The following ROCK1 variants were observed in gnomAD, a reference collection of about 807,000 sequenced individuals.
ROCK1 encodes the protein rho-associated protein kinase 1.
ROCK1 carries 36 observed loss-of-function variants against 196.8 expected under a neutral mutation model. The ratio of observed to expected loss-of-function variants is 0.18; its 90% CI spans 0.14 to 0.24. The LOEUF is 0.24. ROCK1 is among the 10% of genes least tolerant of loss of function. The probability of loss-of-function intolerance (pLI) is 1.00; values close to 1 mark genes in which losing one functional copy is unlikely to be tolerated. For synonymous variants in ROCK1, 443 were observed against 515.9 expected (o/e 0.86, Z 1.91); for missense variants, 920 against 1,562.0 (o/e 0.59, Z 6.93).
chr18:21,002,420 G>A (rs981561341), intron 16 of ROCK1, among the ~76,000 whole-genome samples: 1 of 152,134 alleles, frequency 6.6e-6, no homozygotes, highest in Admixed American at 6.5e-5. Flanking sequence ...TAAAATTCAT[G>A]AGTTCACAAA....
chr18:21,096,720 T>C (rs2036616173), intron 1 of ROCK1, among the ~76,000 whole-genome samples: 1 of 151,802 alleles, frequency 6.6e-6, no homozygotes. Context: ...CTATACCAGA[T>C]AGGTATGATC....
intron 3 of ROCK1, 109 bp downstream of exon 3, chr18:21,049,671 A>T: frequency 1.4e-6 from 1 of 736,514 alleles, no homozygotes; most frequent in Non-Finnish European, 2.2e-6. Context: ...AAAGGAACTT[A>T]AAGCAACAAT....
intron 5 of ROCK1, among the ~76,000 whole-genome samples, chr18:21,044,524 C>T (rs978200352): frequency 1.3e-4 from 20 of 152,162 alleles, no homozygotes; most frequent in South Asian, 6.2e-4. Flanking sequence ...AAAAAAACCC[C>T]ACGGCAGGGT....
chr18:20,957,732 C>T (rs2035258397), intron 29 of ROCK1, among the ~76,000 whole-genome samples: 1 of 152,044 alleles, frequency 6.6e-6, no homozygotes, highest in Non-Finnish European at 1.5e-5. Flanking sequence ...GATCCTCCCA[C>T]CTCAGCCTTC....
intron 1 of ROCK1, among the ~76,000 whole-genome samples, chr18:21,102,272 A>G (rs1211634597): frequency 2.0e-5 from 3 of 152,332 alleles, no homozygotes; most frequent in African/African-American, 2.4e-5. Flanking sequence ...CTACAGCCTC[A>G]TATCTGAAAA....
At chr18:21,023,085 G>A (rs1185278662) in intron 11 of ROCK1, among the ~76,000 whole-genome samples, 1 of 152,054 alleles carries the variant, frequency 6.6e-6, no homozygotes, top group East Asian at 1.9e-4. Context: ...CCAGGAGCTG[G>A]GGGGAGGGTG....
rs546436724 is a variant in ROCK1, at chr18:21,089,488, T to C, written c.94-18875A>G. ...CCTGCATTCAATCTATGACAATACA[T>C]TGCCTTGGTTTGAAGCGTGAAAATC... On this transcript the variant is annotated intron_variant, in intron 1 of 32. Transcript: ENST00000399799. Among the ~76,000 whole-genome samples the C allele has an allele frequency of 1.7e-3, 255 of 152,342 alleles. 3 individuals are homozygous for C. The highest frequency in any genetic ancestry group is 3.7e-3 in the South Asian group (18 of 4,826).
Position 21,110,930 on chromosome 18 carries a change from T to C in ROCK1, c.-20A>G, listed in dbSNP as rs747183485. 2 of 1,595,656 alleles carry C rather than the reference T, an allele frequency of 1.3e-6. No individual in the cohort carries two copies. Among genetic ancestry groups the C allele is most frequent in the Non-Finnish European group, 8.6e-7 (1 of 1,163,370 alleles). ...CGACATGTTGCTGCTGCTGTGACAA[T>C]GCCCTCTTACCAGCACCAGCAGCGG... On this transcript the variant is annotated 5_prime_UTR_variant, in exon 1 of 33. Transcript: ENST00000399799.
At chr18:21,101,873 C>CT (rs535936149) in intron 1 of ROCK1, among the ~76,000 whole-genome samples, 12,720 of 144,112 alleles carry the variant, frequency 0.088, 1,825 homozygotes, top group African/African-American at 0.3. Context: ...AGAAAATGTC[C>CT]TTTTTTTTTT....
intron 1 of ROCK1, among the ~76,000 whole-genome samples, chr18:21,075,764 C>A (rs2036424045): frequency 6.6e-6 from 1 of 151,658 alleles, no homozygotes; most frequent in Non-Finnish European, 1.5e-5. Flanking sequence ...ACCAGCCTGA[C>A]CAACATGGAG....
At chr18:21,047,773 G>A (rs1391734340) in intron 4 of ROCK1, among the ~76,000 whole-genome samples, 1 of 151,860 alleles carries the variant, frequency 6.6e-6, no homozygotes, top group Non-Finnish European at 1.5e-5. Flanking sequence ...ACTCCGGCCT[G>A]GGCGACAGAG....
intron 16 of ROCK1, among the ~76,000 whole-genome samples, chr18:20,994,014 C>CCA (rs2035649381): frequency 5.9e-5 from 9 of 152,256 alleles, no homozygotes; most frequent in Admixed American, 5.9e-4. Context: ...CTCTAGTCAC[C>CCA]TCCCATATTT....
rs375729183 is a variant in ROCK1, at chr18:20,955,006, T to C, written c.3630A>G (p.Val1210=). Residue 1210 remains valine (V), a synonymous_variant, in exon 31 of 33, where the codon GTA becomes GTG. Transcript: ENST00000399799. ...YANEGECRKD[V]EMEPVQQAEK... Reference sequence around the variant, plus strand: ...CAGCTTGTTGTACTGGTTCCATCTCTACATCTTTTCTACATTCACCTTCAT... The same window carrying C: ...CAGCTTGTTGTACTGGTTCCATCTCCACATCTTTTCTACATTCACCTTCAT... The C allele has an allele frequency of 1.2e-5, 20 of 1,613,622 alleles. No homozygotes were observed. Among genetic ancestry groups the C allele is most frequent in the Non-Finnish European group, 1.5e-5 (18 of 1,179,782 alleles).
intron 16 of ROCK1, among the ~76,000 whole-genome samples, chr18:20,997,591 A>G (rs1353974031): frequency 6.6e-6 from 1 of 152,186 alleles, no homozygotes; most frequent in Admixed American, 6.5e-5. Flanking sequence ...TAGACAGAAA[A>G]TCAACAAAGA....
chr18:21,064,889 T>C (rs2036321083), intron 2 of ROCK1, among the ~76,000 whole-genome samples: 2 of 152,226 alleles, frequency 1.3e-5, no homozygotes, highest in South Asian at 2.1e-4. Flanking sequence ...CGCCCACTAT[T>C]TCTTTCCTTC....
chr18:20,967,142 A>AT, intron 26 of ROCK1, 66 bp from the exon 27 acceptor site: 2 of 1,122,974 alleles, frequency 1.8e-6, no homozygotes, highest in Non-Finnish European at 2.6e-6. Context: ...ACTAATTGAA[A>AT]TATGATAATT....
At chr18:20,956,171 G>C (rs564894913) in intron 29 of ROCK1, among the ~76,000 whole-genome samples, 53 of 152,178 alleles carry the variant, frequency 3.5e-4, no homozygotes, top group Admixed American at 3.4e-3. Flanking sequence ...ATTTTGAAGA[G>C]AGAGAGTGAA....
At chr18:20,953,426 G>A in intron 32 of ROCK1, 152 bp downstream of exon 32, 1 of 518,950 alleles carries the variant, frequency 1.9e-6, no homozygotes. Flanking sequence ...ACAAGAATAA[G>A]TTAAACTAAT....
rs2035770650 is a variant in ROCK1, at chr18:21,006,562, C to T, written c.1674G>A (p.Ser558=). 1 of 1,613,558 alleles carries T rather than the reference C, an allele frequency of 6.2e-7. No homozygotes were observed. The highest frequency in any genetic ancestry group is 8.5e-7 in the Non-Finnish European group (1 of 1,179,804). Residue 558 remains serine (S), a synonymous_variant, in exon 16 of 33, where the codon TCG becomes TCA. Transcript: ENST00000399799. ...TCTTCCTCAATCTTACAGCTGTGTC[C>T]GATTCTGTCCTAAGTAAGTCATTGG... ...EEANDLLRTE[S]DTAVRLRKSH... is the part of the protein sequence containing the mutation.
Sources: allele counts gnomAD v4.1 joint callset (sites outside exome capture counted in the v4.1 genomes callset), GRCh38; gene constraint gnomAD v4.1.1; transcripts MANE v1.5; gene names NCBI Gene and HGNC (gene_info 2026-07-23, HGNC 2026-07-21).